Variants in L3MBTL3 observed in about 807,000 individuals in gnomAD.
The protein encoded by L3MBTL3 is lethal(3)malignant brain tumor-like protein 3.
Under a neutral mutation model 102.3 loss-of-function variants are expected in L3MBTL3, and 27 were observed. That is an observed-to-expected ratio of 0.26 (90% CI 0.19 to 0.36). The LOEUF (loss-of-function observed/expected upper bound fraction) is 0.36, where lower values mean the gene tolerates loss of function less well. Among genes scored for constraint, L3MBTL3 ranks in the 10% least tolerant of loss-of-function variants. The probability of loss-of-function intolerance (pLI) is 1.00; values close to 1 mark genes in which losing one functional copy is unlikely to be tolerated. For missense variants in L3MBTL3, 798 were observed against 955.3 expected (o/e 0.84, Z 2.17); for synonymous variants, 340 against 320.9 (o/e 1.06, Z -0.64).
At chr6:130,107,821 T>C (rs188244949) in intron 19 of L3MBTL3, among the ~76,000 whole-genome samples, 1 of 152,352 alleles carries the variant, frequency 6.6e-6, no homozygotes, top group East Asian at 1.9e-4. Flanking sequence ...AGGGGTTTTT[T>C]TCCTCCCATG....
At chr6:130,062,140 C>T (rs532872606) in intron 10 of L3MBTL3, among the ~76,000 whole-genome samples, 6 of 151,990 alleles carry the variant, frequency 3.9e-5, no homozygotes, top group Admixed American at 1.3e-4. Flanking sequence ...TTTATTTTAC[C>T]TTCCCTATTT....
intron 22 of L3MBTL3, among the ~76,000 whole-genome samples, chr6:130,135,095 C>G (rs1200405676): frequency 3.4e-5 from 4 of 118,794 alleles, no homozygotes; most frequent in African/African-American, 1.4e-4. Context: ...TTTTTTAAAT[C>G]GAGATGGAGT....
intron 6 of L3MBTL3, among the ~76,000 whole-genome samples, chr6:130,052,555 G>A (rs1584326929): frequency 6.6e-6 from 1 of 152,332 alleles, no homozygotes; most frequent in East Asian, 1.9e-4. Context: ...TATTAGTATA[G>A]ATGGTAGATG....
At chr6:130,134,501 C>G (rs1268614016) in intron 22 of L3MBTL3, among the ~76,000 whole-genome samples, 1 of 152,200 alleles carries the variant, frequency 6.6e-6, no homozygotes, top group Non-Finnish European at 1.5e-5. Flanking sequence ...AATGATATCA[C>G]TTACAGTGAG....
At chr6:130,120,193 T>C (rs1786042337) in intron 19 of L3MBTL3, among the ~76,000 whole-genome samples, 1 of 152,146 alleles carries the variant, frequency 6.6e-6, no homozygotes, top group Admixed American at 6.5e-5. Flanking sequence ...GGTTGAAAAA[T>C]TTTAAGTCCC....
At chr6:130,082,865 C>T (rs1235161852) in intron 14 of L3MBTL3, among the ~76,000 whole-genome samples, 2 of 152,106 alleles carry the variant, frequency 1.3e-5, no homozygotes, top group African/African-American at 4.8e-5. Context: ...GAATTTATGC[C>T]ATTAGTTCCA....
rs750432788 is a variant in L3MBTL3 at position 130,066,418 on chromosome 6, T to C, written c.930T>C (p.Asn310=). ...CTGATTGCTATGACTTCTGGGTGAA[T>C]GCAGACGCTCTGGATATCCACCCAG... ...GYSDCYDFWV[N]ADALDIHPVG... The change falls in exon 11 of 23, where the codon AAT becomes AAC. Residue 310 remains asparagine (N), a synonymous_variant. Coordinates refer to ENST00000361794, the MANE Select transcript of L3MBTL3 (RefSeq NM_032438.4). 1.9e-6 allele frequency: 3 copies of C among 1,612,540 alleles called. No homozygotes were observed. The highest frequency in any genetic ancestry group is 2.2e-5 in the South Asian group (2 of 90,966).
chr6:130,042,041 G>A (rs1261173503), intron 2 of L3MBTL3, among the ~76,000 whole-genome samples: 4 of 152,096 alleles, frequency 2.6e-5, no homozygotes, highest in African/African-American at 9.7e-5. Context: ...AGTTGTCTAT[G>A]ATACCAACAT....
chr6:130,033,366 A>G lies in L3MBTL3; in HGVS notation c.-15-9319A>G, dbSNP rs142078803. Among the ~76,000 whole-genome samples the G allele has an allele frequency of 7.6e-3, 1,158 of 152,292 alleles. 20 individuals are homozygous for G. The highest frequency in any genetic ancestry group is 0.026 in the African/African-American group (1,090 of 41,560). On this transcript the variant is annotated intron_variant, in intron 2 of 22. Coordinates refer to ENST00000361794, the MANE Select transcript of L3MBTL3 (RefSeq NM_032438.4). ...GACAGTTAACGGTTAGTGAGTGAAG[A>G]TGATTTCTGTAAAGTAAACAAAAAA...
chr6:130,104,468 C>G lies in L3MBTL3; in HGVS notation c.1779C>G (p.Asp593Glu), dbSNP rs768345518. The G allele has an allele frequency of 1.9e-6, 3 of 1,595,582 alleles. No homozygotes were observed. The highest frequency in any genetic ancestry group is 2.6e-6 in the Non-Finnish European group (3 of 1,172,072). ...ATTCAGAAATCAATTTGAATAAAGA[C>G]CGTATTTTTCCAGACCGCTTAAGTG... is the stretch of plus-strand genomic sequence containing the variant. ...CPYSEINLNK[D>E]RIFPDRLSGE... The change falls in exon 19 of 23, where the codon GAC becomes GAG. Residue 593 changes from aspartate to glutamate, a missense_variant. Physicochemically the swap from Asp to Glu is conservative, Grantham distance 45. Around this residue, in one of 4 missense-constraint regions of L3MBTL3, gnomAD observed 306 missense variants for 314.4 expected, o/e 0.97. Coordinates refer to ENST00000361794, the MANE Select transcript of L3MBTL3 (RefSeq NM_032438.4).
At chr6:130,040,959 A>G (rs563338003) in intron 2 of L3MBTL3, among the ~76,000 whole-genome samples, 56 of 152,326 alleles carry the variant, frequency 3.7e-4, no homozygotes, top group Admixed American at 2.2e-3. Flanking sequence ...GGCTGCTACT[A>G]CAGTTGTTGC....
At chr6:130,068,769 G>A (rs982035880) in intron 12 of L3MBTL3, among the ~76,000 whole-genome samples, 1 of 152,202 alleles carries the variant, frequency 6.6e-6, no homozygotes, top group Non-Finnish European at 1.5e-5. Flanking sequence ...ATAGCCAGAT[G>A]AAGGTAGCCC....
chr6:130,065,183 C>T (rs1415863944), intron 10 of L3MBTL3, among the ~76,000 whole-genome samples: 1 of 152,074 alleles, frequency 6.6e-6, no homozygotes, highest in Non-Finnish European at 1.5e-5. Flanking sequence ...ATGAAAAGTC[C>T]ATCATTCCCA....
rs543865692 is a variant in L3MBTL3 at position 130,101,982 on chromosome 6, C to CTTCA, written c.1737-2441_1737-2438dup. Among the ~76,000 whole-genome samples the CTTCA allele has an allele frequency of 6.4e-4, 98 of 152,250 alleles. 1 individual carries two copies. The highest frequency in any genetic ancestry group is 3.0e-3 in the Admixed American group (46 of 15,284). ...ATAGTGTGTTCATTTTGCTGAGCTA[C>CTTCA]TTCATTGCTATGTGACCTTGGGCAA... On this transcript the variant is annotated intron_variant, in intron 18 of 22. Coordinates refer to ENST00000361794, the MANE Select transcript of L3MBTL3 (RefSeq NM_032438.4).
At chr6:130,092,895 T>C in intron 17 of L3MBTL3, 36 bp downstream of exon 17, 1 of 1,236,790 alleles carries the variant, frequency 8.1e-7, no homozygotes, top group South Asian at 1.2e-5. Context: ...AATGTTTCCA[T>C]TTCCATATGT....
chr6:130,106,430 T>C (rs1375840456), intron 19 of L3MBTL3, among the ~76,000 whole-genome samples: 1 of 152,188 alleles, frequency 6.6e-6, no homozygotes. Context: ...GATTGTCACC[T>C]CCACTGTCAA....
intron 13 of L3MBTL3, among the ~76,000 whole-genome samples, chr6:130,072,593 T>C (rs2115018636): frequency 1.3e-5 from 2 of 152,326 alleles, no homozygotes; most frequent in East Asian, 3.9e-4. Flanking sequence ...AGTAGAATAA[T>C]AGAGCAGCCC....
At chr6:130,042,844 G>A (rs758641051) in intron 3 of L3MBTL3, 43 bp downstream of exon 3, 2 of 1,242,538 alleles carry the variant, frequency 1.6e-6, no homozygotes, top group East Asian at 4.6e-5. Context: ...GTGTGCATCT[G>A]TGCGTATGCT....
intron 20 of L3MBTL3, among the ~76,000 whole-genome samples, chr6:130,124,198 G>A (rs1786440072): frequency 6.6e-6 from 1 of 152,096 alleles, no homozygotes; most frequent in Non-Finnish European, 1.5e-5. Context: ...TGCTGGGAGG[G>A]GCACATGTTC....
Sources: allele counts gnomAD v4.1 joint callset (sites outside exome capture counted in the v4.1 genomes callset), GRCh38; gene constraint gnomAD v4.1.1; regional missense constraint gnomAD v4.1.1; transcripts MANE v1.5; gene names NCBI Gene and HGNC (gene_info 2026-07-23, HGNC 2026-07-21).